Variants in SPTLC1 observed in about 807,000 individuals in gnomAD.
The protein encoded by SPTLC1 is serine palmitoyltransferase long chain base subunit 1, also known as serine palmitoyltransferase 1.
Under a neutral mutation model 68.9 loss-of-function variants are expected in SPTLC1, and 55 were observed. The observed-to-expected ratio is 0.80, with a 90% CI of 0.64 to 1.00. SPTLC1 has a LOEUF of 1.00. Among genes scored for constraint, SPTLC1 ranks in the 50% least tolerant of loss-of-function variants. The probability of loss-of-function intolerance (pLI) is 0.00; values close to 1 mark genes in which losing one functional copy is unlikely to be tolerated. For synonymous variants in SPTLC1, 197 were observed against 201.6 expected, an observed-to-expected ratio of 0.98 and a Z score of 0.19; for missense variants, 449 against 573.1, an observed-to-expected ratio of 0.78 and a Z score of 2.21.
intron 8 of SPTLC1, among the ~76,000 whole-genome samples, chr9:92,054,217 GT>G (rs1453198980): frequency 2.0e-5 from 3 of 152,170 alleles, no homozygotes; most frequent in Non-Finnish European, 4.4e-5. Flanking sequence ...GGAGCCAGAG[GT>G]TGCGGTGAGC....
chr9:92,090,535 C>T (rs1835320752), intron 3 of SPTLC1, among the ~76,000 whole-genome samples: 1 of 151,794 alleles, frequency 6.6e-6, no homozygotes, highest in African/African-American at 2.4e-5. Flanking sequence ...TCCCTTGCAC[C>T]TGGGAGAGAG....
At chr9:92,108,550 A>G (rs1836092372) in intron 3 of SPTLC1, 190 bp downstream of exon 3, 2 of 700,932 alleles carry the variant, frequency 2.9e-6, no homozygotes, top group Admixed American at 6.1e-5. Context: ...CTTAAATTGG[A>G]GATTTTAAAA....
chr9:92,044,138 G>A (rs553313118), intron 12 of SPTLC1, among the ~76,000 whole-genome samples: 13 of 152,308 alleles, frequency 8.5e-5, no homozygotes, highest in Non-Finnish European at 1.5e-4. Context: ...GTGGTCCAGG[G>A]TGGTGATACG....
At position 92,047,605 on chromosome 9, in the gene SPTLC1, G is replaced by T; in HGVS notation, c.984+8C>A. Reference sequence around the variant, plus strand: ...CAGTTTTAGCTCCTGTTTTTAAAAAGAACCCACCTGATGGTCAATTACAAA... The same window carrying T: ...CAGTTTTAGCTCCTGTTTTTAAAAATAACCCACCTGATGGTCAATTACAAA... On this transcript the variant is annotated splice_region_variant and intron_variant, in intron 10 of 14. Coordinates refer to ENST00000262554, the MANE Select transcript of SPTLC1 (RefSeq NM_006415.4). 6.3e-6 allele frequency: 10 copies of T among 1,598,190 alleles called. No homozygotes were observed. Among genetic ancestry groups the T allele is most frequent in the Non-Finnish European group, 8.6e-6 (10 of 1,165,878 alleles).
chr9:92,032,204 C>T lies in SPTLC1; in HGVS notation c.*261G>A. ...AAACATTTAAATAGTACTAAATGCA[C>T]AATTTAAACATCAGTTATACACTGT... On this transcript the variant is annotated 3_prime_UTR_variant, in exon 15 of 15. Transcript: ENST00000262554. The T allele has an allele frequency of 7.8e-7, 1 of 1,289,288 alleles. No individual in the cohort carries two copies. Among genetic ancestry groups the T allele is most frequent in the Non-Finnish European group, 1.0e-6 (1 of 959,424 alleles). 79.9% of individuals were successfully genotyped at this position (1,289,288 alleles called of 1,614,324 possible). A position where few individuals can be genotyped will look rare whatever the true frequency, so the allele number is the denominator to read the frequency against.
chr9:92,072,872 C>T (rs1028594747), intron 5 of SPTLC1, among the ~76,000 whole-genome samples: 9 of 151,992 alleles, frequency 5.9e-5, no homozygotes, highest in African/African-American at 2.2e-4. Flanking sequence ...CCAAATTTTC[C>T]TTATCTCCCT....
At chr9:92,065,863 T>C in intron 6 of SPTLC1, among the ~76,000 whole-genome samples, 1 of 152,206 alleles carries the variant, frequency 6.6e-6, no homozygotes, top group Non-Finnish European at 1.5e-5. Flanking sequence ...TAGTGAGGAA[T>C]GGGTCACATG....
chr9:92,047,318 T>C (rs778500537), intron 10 of SPTLC1, 50 bp from the exon 11 acceptor site: 4 of 1,505,266 alleles, frequency 2.7e-6, no homozygotes, highest in South Asian at 2.3e-5. Context: ...CCTTTCTAGG[T>C]AAACATTTGA....
At chr9:92,098,770 A>G (rs572866445) in intron 3 of SPTLC1, among the ~76,000 whole-genome samples, 2 of 152,300 alleles carry the variant, frequency 1.3e-5, no homozygotes, top group African/African-American at 4.8e-5. Context: ...AAACCAAGAG[A>G]CAGGAAATAG....
chr9:92,085,099 A>G (rs1419739867), intron 3 of SPTLC1, among the ~76,000 whole-genome samples: 1 of 150,842 alleles, frequency 6.6e-6, no homozygotes, highest in African/African-American at 2.4e-5. Context: ...CCCCTTTATC[A>G]TTTTTTATTG....
chr9:92,051,573 T>C (rs1833705311), intron 8 of SPTLC1, among the ~76,000 whole-genome samples: 1 of 152,196 alleles, frequency 6.6e-6, no homozygotes, highest in Non-Finnish European at 1.5e-5. Context: ...AAGACAAAGA[T>C]GCTCATTTTC....
At chr9:92,044,168 T>C (rs983602379) in intron 12 of SPTLC1, among the ~76,000 whole-genome samples, 1 of 152,162 alleles carries the variant, frequency 6.6e-6, no homozygotes, top group African/African-American at 2.4e-5. Flanking sequence ...GCTGTCTCTA[T>C]ACAGGTGTCA....
intron 13 of SPTLC1, among the ~76,000 whole-genome samples, chr9:92,036,233 G>A (rs1833135003): frequency 6.6e-6 from 1 of 152,208 alleles, no homozygotes; most frequent in Non-Finnish European, 1.5e-5. Flanking sequence ...ATTTCCTTAA[G>A]AGAGCCAGTA....
chr9:92,064,827 T>A (rs924522790), intron 6 of SPTLC1, among the ~76,000 whole-genome samples: 8 of 152,182 alleles, frequency 5.3e-5, no homozygotes, highest in African/African-American at 1.9e-4. Flanking sequence ...ATCAGAGAAT[T>A]ACGCTAAATG....
At chr9:92,086,376 G>A (rs1564107735) in intron 3 of SPTLC1, among the ~76,000 whole-genome samples, 2 of 152,224 alleles carry the variant, frequency 1.3e-5, no homozygotes, top group Admixed American at 6.5e-5. Flanking sequence ...TGCAGTGACT[G>A]GTACCGGTTG....
intron 3 of SPTLC1, among the ~76,000 whole-genome samples, chr9:92,092,887 G>C (rs1262433776): frequency 1.3e-5 from 2 of 152,138 alleles, no homozygotes; most frequent in Admixed American, 1.3e-4. Flanking sequence ...AAACATATAT[G>C]AAACTCTTTA....
rs1372273697 is a variant in SPTLC1, at chr9:92,047,196, G to A, written c.1057C>T (p.Leu353Phe). 4 of 1,613,938 alleles carry A rather than the reference G, an allele frequency of 2.5e-6. No homozygotes were observed. The highest frequency in any genetic ancestry group is 3.3e-5 in the Admixed American group (2 of 59,994). ...PLLAAAAIEA[L>F]NIMEENPGIF... ...CCTGGATTCTCTTCCATGATGTTGA[G>A]GGCCTCAATTGCTGCAGCAGCTAAC... The change falls in exon 11 of 15, where the codon CTC becomes TTC. Residue 353 changes from leucine (L) to phenylalanine (F), a missense_variant. Around this residue, in one of 3 missense-constraint regions of SPTLC1, gnomAD observed 391 missense variants for 472.1 expected, o/e 0.83. Transcript: ENST00000262554.
intron 3 of SPTLC1, among the ~76,000 whole-genome samples, chr9:92,100,682 T>G (rs887771318): frequency 1.3e-5 from 2 of 151,880 alleles, no homozygotes; most frequent in Admixed American, 1.3e-4. Context: ...CCCCTGTGAC[T>G]CAGTAACACA....
Position 92,069,054 on chromosome 9 carries a change from G to C in SPTLC1, c.428-956C>G, listed in dbSNP as rs569861023. On this transcript the variant is annotated intron_variant, in intron 5 of 14. Coordinates refer to ENST00000262554, the MANE Select transcript of SPTLC1 (RefSeq NM_006415.4). ...AAGAAGCCAGGCCCCTCCAGTCTTA[G>C]AGCGCTATGGGAGAAAGGAGGGAAA... Among the ~76,000 whole-genome samples, 135 of 152,232 alleles carry C rather than the reference G, an allele frequency of 8.9e-4. 2 individuals carry two copies. The highest frequency in any genetic ancestry group is 3.3e-4 in the Admixed American group (5 of 15,294).
Sources: gnomAD v4.1 joint callset for allele counts (sites outside exome capture counted in the v4.1 genomes callset) on GRCh38, gnomAD v4.1.1 for gene constraint, gnomAD v4.1.1 regional missense constraint, MANE v1.5 for transcripts, NCBI Gene and HGNC (gene_info 2026-07-23, HGNC 2026-07-21) for gene names.